PLEKHM3: variants seen among roughly 807,000 people sequenced by gnomAD.
The protein encoded by PLEKHM3 is pleckstrin homology domain containing M3, also known as pleckstrin homology domain-containing family M member 3.
A neutral mutation model predicts 81.8 loss-of-function variants in PLEKHM3; 45 were observed. That is an observed-to-expected ratio of 0.55 (90% CI 0.43 to 0.71). The LOEUF (loss-of-function observed/expected upper bound fraction) is 0.71, where lower values mean the gene tolerates loss of function less well. Among genes scored for constraint, PLEKHM3 ranks in the 30% least tolerant of loss-of-function variants. PLEKHM3 has a pLI of 0.00. For synonymous variants in PLEKHM3, 352 were observed against 356.4 expected, an observed-to-expected ratio of 0.99 and a Z score of 0.14; for missense variants, 788 against 924.3, an observed-to-expected ratio of 0.85 and a Z score of 1.91.
chr2:207,860,205 G>A (rs1402266105), intron 7 of PLEKHM3, among the ~76,000 whole-genome samples: 1 of 139,990 alleles, frequency 7.1e-6, no homozygotes, highest in East Asian at 2.0e-4. Context: ...GTGTGTGTGT[G>A]TATCTGCATG....
intron 6 of PLEKHM3, among the ~76,000 whole-genome samples, chr2:207,866,404 G>C (rs2092501361): frequency 6.6e-6 from 1 of 152,174 alleles, no homozygotes; most frequent in Non-Finnish European, 1.5e-5. Context: ...TGATCTGCCT[G>C]CCTCGGCCTC....
chr2:207,949,151 C>T (rs1357596088), intron 3 of PLEKHM3, among the ~76,000 whole-genome samples: 1 of 152,186 alleles, frequency 6.6e-6, no homozygotes, highest in Non-Finnish European at 1.5e-5. Flanking sequence ...AAAACTGATC[C>T]TCTTAACCTG....
chr2:207,838,345 G>C (rs1338296714), intron 7 of PLEKHM3, among the ~76,000 whole-genome samples: 1 of 152,228 alleles, frequency 6.6e-6, no homozygotes, highest in Non-Finnish European at 1.5e-5. Flanking sequence ...TAATTAAGGA[G>C]AGGTTTTCCC....
Position 207,865,801 on chromosome 2 carries a change from A to AAAAAAAAAAAAAAATATATATAT in PLEKHM3, c.1951-4540_1951-4539insATATATATATTTTTTTTTTTTTT. ...CGACTCAAAAAAAAAAAAAAAAAAA[A>AAAAAAAAAAAAAAATATATATAT]AGATATATATATATATATATATATA... On this transcript the variant is annotated intron_variant, in intron 6 of 7. Coordinates refer to ENST00000427836, the MANE Select transcript of PLEKHM3 (RefSeq NM_001080475.3). 2.0e-4 allele frequency among the ~76,000 whole-genome samples: 5 copies of AAAAAAAAAAAAAAATATATATAT among 25,290 alleles called. 1 individual carries two copies. Among genetic ancestry groups the AAAAAAAAAAAAAAATATATATAT allele is most frequent in the Non-Finnish European group, 3.8e-4 (5 of 13,198 alleles). The allele number at this position is 25,290 out of a possible 152,430, so 16.6% of individuals were successfully genotyped here. A position where few individuals can be genotyped will look rare whatever the true frequency, so the allele number is the denominator to read the frequency against.
intron 1 of PLEKHM3, among the ~76,000 whole-genome samples, chr2:208,007,428 A>T (rs565507510): frequency 3.9e-5 from 6 of 152,314 alleles, no homozygotes; most frequent in African/African-American, 1.2e-4. Flanking sequence ...GCATGCCGCA[A>T]GCAGCTAGTA....
At chr2:207,935,876 A>G (rs1463657935) in intron 4 of PLEKHM3, among the ~76,000 whole-genome samples, 1 of 152,258 alleles carries the variant, frequency 6.6e-6, no homozygotes, top group African/African-American at 2.4e-5. Context: ...GTAATTAAGC[A>G]GGACACTGAC....
intron 6 of PLEKHM3, among the ~76,000 whole-genome samples, chr2:207,904,017 C>G (rs1359916989): frequency 2.6e-5 from 4 of 152,142 alleles, no homozygotes; most frequent in Admixed American, 2.0e-4. Context: ...CAAGGAAAAG[C>G]TCTTAAAAAG....
intron 3 of PLEKHM3, among the ~76,000 whole-genome samples, chr2:207,948,154 G>C (rs1051788524): frequency 6.6e-6 from 1 of 152,114 alleles, no homozygotes; most frequent in Non-Finnish European, 1.5e-5. Context: ...AGATGAGTTA[G>C]AACCAACACA....
At chr2:207,829,168 T>TG (rs1229085603) in intron 7 of PLEKHM3, among the ~76,000 whole-genome samples, 1 of 152,182 alleles carries the variant, frequency 6.6e-6, no homozygotes, top group Non-Finnish European at 1.5e-5. Context: ...TGACAGATAT[T>TG]GTAATATGTA....
intron 6 of PLEKHM3, among the ~76,000 whole-genome samples, chr2:207,906,243 T>C (rs1688604273): frequency 6.6e-6 from 1 of 152,182 alleles, no homozygotes; most frequent in Non-Finnish European, 1.5e-5. Context: ...AATAGATAAA[T>C]GTATAACAAG....
intron 7 of PLEKHM3, among the ~76,000 whole-genome samples, chr2:207,839,668 C>T (rs142590774): frequency 2.2e-4 from 33 of 152,266 alleles, no homozygotes; most frequent in Admixed American, 5.2e-4. Flanking sequence ...CACAGTGCCT[C>T]ACACCTGTAA....
intron 3 of PLEKHM3, among the ~76,000 whole-genome samples, chr2:207,965,391 T>TA (rs550001997): frequency 2.8e-3 from 364 of 129,082 alleles, no homozygotes; most frequent in South Asian, 0.02. Flanking sequence ...ATGAACGGCT[T>TA]AAAAAAAAAA....
intron 6 of PLEKHM3, among the ~76,000 whole-genome samples, chr2:207,863,959 G>T (rs1479637966): frequency 2.0e-5 from 3 of 150,082 alleles, no homozygotes; most frequent in Admixed American, 6.6e-5. Flanking sequence ...TATATACAAA[G>T]TTTATATATA....
At position 208,001,065 on chromosome 2, in the gene PLEKHM3, G is replaced by A; in HGVS notation, c.575C>T (p.Ser192Leu). 1 of 1,560,586 alleles carries A rather than the reference G, an allele frequency of 6.4e-7. No homozygotes were observed. Among genetic ancestry groups the A allele is most frequent in the Non-Finnish European group, 8.7e-7 (1 of 1,151,946 alleles). ...TTGAGCATCTTCTATCTTATTTGGT[G>A]AGGGCAACAGAAAAGATGGCCTGGT... The part of the protein sequence containing the change: ...HVTRPSFLLP[S>L]PNKIEDAQGN... Residue 192 changes from serine (S) to leucine (L), a missense_variant, in exon 2 of 8, where the codon TCA becomes TTA. Ser to Leu is a moderately radical substitution (Grantham distance 145, BLOSUM62 -2). Coordinates refer to ENST00000427836, the MANE Select transcript of PLEKHM3 (RefSeq NM_001080475.3).
chr2:207,917,881 C>T (rs1363247999), intron 5 of PLEKHM3, among the ~76,000 whole-genome samples: 1 of 152,080 alleles, frequency 6.6e-6, no homozygotes, highest in Non-Finnish European at 1.5e-5. Context: ...TCTTAATAAA[C>T]TGCCCTCCTA....
At chr2:207,878,316 CTA>C (rs886578137) in intron 6 of PLEKHM3, among the ~76,000 whole-genome samples, 2 of 151,714 alleles carry the variant, frequency 1.3e-5, no homozygotes, top group Admixed American at 6.6e-5. Flanking sequence ...AAAAAAAAAA[CTA>C]TTATTTCTGG....
At chr2:207,971,744 T>A (rs1237087662) in intron 3 of PLEKHM3, among the ~76,000 whole-genome samples, 2 of 152,166 alleles carry the variant, frequency 1.3e-5, no homozygotes. Context: ...ATTTTAAACC[T>A]CAACCAGTAA....
At chr2:208,018,891 A>T (rs1375335572) in intron 1 of PLEKHM3, among the ~76,000 whole-genome samples, 2 of 151,686 alleles carry the variant, frequency 1.3e-5, no homozygotes, top group Non-Finnish European at 2.9e-5. Context: ...ACCCCACTCT[A>T]TATCTACATA....
At chr2:207,851,849 CAG>C (rs1307796753) in intron 7 of PLEKHM3, 3 of 149,874 alleles carry the variant, frequency 2.0e-5, no homozygotes, top group African/African-American at 7.4e-5. Flanking sequence ...GTGCAACAAA[CAG>C]GGGTTTGCCT....
Sources: allele counts gnomAD v4.1 joint callset (sites outside exome capture counted in the v4.1 genomes callset), GRCh38; gene constraint gnomAD v4.1.1; transcripts MANE v1.5; gene names NCBI Gene and HGNC (gene_info 2026-07-23, HGNC 2026-07-21).